Variants in MAN2A1 observed in about 807,000 individuals in gnomAD.
MAN2A1 encodes the protein alpha-mannosidase 2.
Under a neutral mutation model 142.6 loss-of-function variants are expected in MAN2A1, and 76 were observed. The ratio of observed to expected loss-of-function variants is 0.53; its 90% CI spans 0.44 to 0.65. The LOEUF (loss-of-function observed/expected upper bound fraction) is 0.65, where lower values mean the gene tolerates loss of function less well. Among genes scored for constraint, MAN2A1 ranks in the 30% least tolerant of loss-of-function variants. The pLI is 0.00. For synonymous variants in MAN2A1, 559 were observed against 473.2 expected, an observed-to-expected ratio of 1.18 and a Z score of -2.35; for missense variants, 1,311 against 1,365.1, an observed-to-expected ratio of 0.96 and a Z score of 0.62.
intron 20 of MAN2A1, among the ~76,000 whole-genome samples, chr5:109,859,919 G>T (rs1755713891): frequency 6.9e-6 from 1 of 144,514 alleles, no homozygotes. Flanking sequence ...TTTATATTTA[G>T]ACATATTTAT....
At chr5:109,845,796 T>C (rs1441605089) in intron 17 of MAN2A1, 69 bp from the exon 18 acceptor site, 1 of 1,240,428 alleles carries the variant, frequency 8.1e-7, no homozygotes, top group Non-Finnish European at 1.1e-6. Flanking sequence ...AAAAATCACC[T>C]GTCCTCAAGT....
chr5:109,828,590 C>T (rs978550766), intron 16 of MAN2A1, among the ~76,000 whole-genome samples: 7 of 152,174 alleles, frequency 4.6e-5, no homozygotes, highest in East Asian at 1.9e-4. Context: ...CTGTGGGTAA[C>T]GAGTATGTCG....
At chr5:109,743,085 C>T (rs1005000200) in intron 4 of MAN2A1, among the ~76,000 whole-genome samples, 3 of 152,146 alleles carry the variant, frequency 2.0e-5, no homozygotes, top group Non-Finnish European at 4.4e-5. Context: ...ACTCCATTCT[C>T]CTCGAAATTC....
rs143526949 is a variant in MAN2A1, at chr5:109,744,762, A to T, written c.708-10567A>T. On this transcript the variant is annotated intron_variant, in intron 4 of 21. Coordinates refer to ENST00000261483, the MANE Select transcript of MAN2A1 (RefSeq NM_002372.4). ...TGATCTGGGGGCTCCACTCCTAGCAATTTACCCAAGAGAAATGAAAAAATG... is the reference window on the plus strand; with the variant it reads ...TGATCTGGGGGCTCCACTCCTAGCATTTTACCCAAGAGAAATGAAAAAATG... Among the ~76,000 whole-genome samples the T allele has an allele frequency of 9.7e-4, 147 of 152,224 alleles. 1 individual carries two copies. The highest frequency in any genetic ancestry group is 3.4e-3 in the African/African-American group (143 of 41,540).
At chr5:109,821,454 G>T (rs761501187) in intron 15 of MAN2A1, among the ~76,000 whole-genome samples, 2 of 152,076 alleles carry the variant, frequency 1.3e-5, no homozygotes, top group Non-Finnish European at 2.9e-5. Context: ...GAGTCATTTT[G>T]TATCAGTGTC....
At chr5:109,740,187 T>A (rs1396390446) in intron 4 of MAN2A1, among the ~76,000 whole-genome samples, 2 of 152,330 alleles carry the variant, frequency 1.3e-5, no homozygotes, top group Non-Finnish European at 2.9e-5. Flanking sequence ...TCTCCTTAGT[T>A]CCTCTGTTGG....
chr5:109,868,986 G>A lies in MAN2A1; in HGVS notation c.*1988G>A, dbSNP rs950664279. On this transcript the variant is annotated 3_prime_UTR_variant, in exon 22 of 22. Coordinates refer to ENST00000261483, the MANE Select transcript of MAN2A1 (RefSeq NM_002372.4). ...AACAGTGGTTTTGCCACTTCTGGTTGTTTGCGATGGATCTGTCCCATGTCA... is the reference window on the plus strand; with the variant it reads ...AACAGTGGTTTTGCCACTTCTGGTTATTTGCGATGGATCTGTCCCATGTCA... The A allele has an allele frequency of 6.6e-6, 1 of 152,174 alleles. No homozygotes were observed. Among genetic ancestry groups the A allele is most frequent in the Non-Finnish European group, 1.5e-5 (1 of 68,030 alleles). The allele number at this position is 152,174 out of a possible 1,614,324, so 9.4% of individuals were successfully genotyped here. A position where few individuals can be genotyped will look rare whatever the true frequency, so the allele number is the denominator to read the frequency against.
chr5:109,702,316 TGTGTGTG>T (rs1208752831), intron 1 of MAN2A1, among the ~76,000 whole-genome samples: 1 of 9,768 alleles, frequency 1.0e-4, no homozygotes, highest in Admixed American at 1.3e-3. Context: ...GAACATAAAT[TGTGTGTG>T]TGTGTGTGTG....
At chr5:109,775,934 TTA>T (rs560866145) in intron 8 of MAN2A1, among the ~76,000 whole-genome samples, 146 of 152,196 alleles carry the variant, frequency 9.6e-4, no homozygotes, top group African/African-American at 3.0e-3. Context: ...TGATACATAA[TTA>T]TATATATTTA....
At chr5:109,722,240 A>G (rs1344625766) in intron 3 of MAN2A1, among the ~76,000 whole-genome samples, 3 of 152,220 alleles carry the variant, frequency 2.0e-5, no homozygotes, top group Admixed American at 6.5e-5. Context: ...GCAAAAGTGG[A>G]CATCTCACTG....
intron 10 of MAN2A1, 23 bp from the exon 11 acceptor site, chr5:109,788,911 C>G (rs1219245396): frequency 1.9e-6 from 2 of 1,078,036 alleles, no homozygotes; most frequent in Non-Finnish European, 2.9e-6. Flanking sequence ...GTTTCTCAGA[C>G]TAATAAAATT....
At chr5:109,788,540 A>G (rs1753652491) in intron 10 of MAN2A1, among the ~76,000 whole-genome samples, 1 of 151,872 alleles carries the variant, frequency 6.6e-6, no homozygotes, top group Admixed American at 6.6e-5. Context: ...GAATTATCTC[A>G]TGTTTTTATT....
intron 1 of MAN2A1, among the ~76,000 whole-genome samples, chr5:109,703,684 A>G (rs932565538): frequency 6.6e-6 from 1 of 152,246 alleles, no homozygotes; most frequent in Non-Finnish European, 1.5e-5. Context: ...GTTAGTCAAC[A>G]GTTAATATGT....
chr5:109,733,682 T>G lies in MAN2A1; in HGVS notation c.707+4169T>G, dbSNP rs914636361. Among the ~76,000 whole-genome samples, 78 of 152,314 alleles carry G rather than the reference T, an allele frequency of 5.1e-4. 1 individual carries two copies. The highest frequency in any genetic ancestry group is 1.8e-3 in the African/African-American group (76 of 41,556). On this transcript the variant is annotated intron_variant, in intron 4 of 21. Transcript: ENST00000261483. ...ATTACATTTATTGATTAGCGTATAT[T>G]GAACCAGCCTTGCATCCCAGGGATG... is the stretch of plus-strand genomic sequence containing the variant.
intron 1 of MAN2A1, among the ~76,000 whole-genome samples, chr5:109,710,548 A>G (rs569937809): frequency 3.0e-4 from 46 of 151,326 alleles, no homozygotes; most frequent in Admixed American, 1.8e-3. Context: ...TTTATCGCCT[A>G]TGTTGGAGTG....
In MAN2A1 at chr5:109,867,916, G is replaced by T. The variant is rs1040903494; in HGVS notation, c.*918G>T. 2 of 151,986 alleles carry T rather than the reference G, an allele frequency of 1.3e-5. No homozygotes were observed. The highest frequency in any genetic ancestry group is 3.9e-4 in the East Asian group (2 of 5,178). 9.4% of individuals were successfully genotyped at this position (151,986 alleles called of 1,614,324 possible). ...GGGAATGTTGTGGGGTCTGGGAGAG[G>T]GTGGGTACTTTCTATGACACATAAA... On this transcript the variant is annotated 3_prime_UTR_variant, in exon 22 of 22. Coordinates refer to ENST00000261483, the MANE Select transcript of MAN2A1 (RefSeq NM_002372.4).
At chr5:109,737,767 G>A (rs1752147052) in intron 4 of MAN2A1, among the ~76,000 whole-genome samples, 1 of 152,132 alleles carries the variant, frequency 6.6e-6, no homozygotes, top group African/African-American at 2.4e-5. Flanking sequence ...AGTTTTACCT[G>A]TGTTAAATTG....
At chr5:109,702,170 A>G (rs1238092147) in intron 1 of MAN2A1, among the ~76,000 whole-genome samples, 1 of 152,236 alleles carries the variant, frequency 6.6e-6, no homozygotes, top group Non-Finnish European at 1.5e-5. Context: ...CAGCTCATGG[A>G]TCAGCTTACC....
chr5:109,741,572 C>T (rs890699499), intron 4 of MAN2A1, among the ~76,000 whole-genome samples: 2 of 152,128 alleles, frequency 1.3e-5, no homozygotes, highest in African/African-American at 4.8e-5. Context: ...CTAGCTGTTG[C>T]AGAGCAGAAC....
Sources: gnomAD v4.1 joint callset for allele counts (sites outside exome capture counted in the v4.1 genomes callset) on GRCh38, gnomAD v4.1.1 for gene constraint, MANE v1.5 for transcripts, NCBI Gene and HGNC (gene_info 2026-07-23, HGNC 2026-07-21) for gene names.